The following FRMD4A variants were observed in gnomAD, a reference collection of about 807,000 sequenced individuals.
The protein encoded by FRMD4A is FERM domain containing 4A.
A neutral mutation model predicts 129.1 loss-of-function variants in FRMD4A; 29 were observed. The ratio of observed to expected loss-of-function variants is 0.22; its 90% CI spans 0.17 to 0.31. The LOEUF is 0.31. Among genes scored for constraint, FRMD4A ranks in the 10% least tolerant of loss-of-function variants. The pLI is 1.00. For missense variants in FRMD4A, 1,272 were observed against 1,375.8 expected, an observed-to-expected ratio of 0.92 and a Z score of 1.19; for synonymous variants, 634 against 571.6, an observed-to-expected ratio of 1.11 and a Z score of -1.56.
intron 2 of FRMD4A, among the ~76,000 whole-genome samples, chr10:14,180,715 C>G (rs1175021584): frequency 6.6e-6 from 1 of 152,238 alleles, no homozygotes; most frequent in Non-Finnish European, 1.5e-5. Flanking sequence ...GCAGAGCTGA[C>G]TAGAACTCCA....
chr10:13,740,527 C>T lies in FRMD4A; in HGVS notation c.599G>A (p.Gly200Asp). ...GGCCACTTACTTTACGATTGCTTGA[C>T]CTCTTGTCTGACCGTTCAGTTTCTT... ...HYKKLNGQTR[G>D]QAIVNYMSIV... is the part of the protein sequence containing the mutation. Residue 200 changes from glycine to aspartate, a missense_variant, in exon 10 of 25, where the codon GGT becomes GAT. Gly to Asp is a moderately conservative substitution (Grantham distance 94). Coordinates refer to ENST00000357447, the MANE Select transcript of FRMD4A (RefSeq NM_018027.5). The T allele has an allele frequency of 6.3e-7, 1 of 1,587,960 alleles. No individual in the cohort carries two copies. The highest frequency in any genetic ancestry group is 8.6e-7 in the Non-Finnish European group (1 of 1,158,222).
In FRMD4A at chr10:13,677,888, G is replaced by A. The variant is rs568285604; in HGVS notation, c.1118-2844C>T. ...TTAAAAAACAGACCTAGAGAAACTTGGGTCCAAGAAGATTAAAGGATTTCT... is the reference window on the plus strand; with the variant it reads ...TTAAAAAACAGACCTAGAGAAACTTAGGTCCAAGAAGATTAAAGGATTTCT... On this transcript the variant is annotated intron_variant, in intron 15 of 24. Coordinates refer to ENST00000357447, the MANE Select transcript of FRMD4A (RefSeq NM_018027.5). 5.9e-5 allele frequency among the ~76,000 whole-genome samples: 9 copies of A among 152,252 alleles called. No homozygotes were observed. In the South Asian group the frequency reaches 1.9e-3, roughly 32 times the overall value.
At chr10:13,847,806 A>T (rs1488474503) in intron 3 of FRMD4A, among the ~76,000 whole-genome samples, 1 of 152,248 alleles carries the variant, frequency 6.6e-6, no homozygotes, top group African/African-American at 2.4e-5. Flanking sequence ...AGGAACTCCT[A>T]ACCCAAATAA....
At chr10:13,766,581 G>A (rs907533300) in intron 6 of FRMD4A, among the ~76,000 whole-genome samples, 1 of 152,128 alleles carries the variant, frequency 6.6e-6, no homozygotes, top group Non-Finnish European at 1.5e-5. Context: ...AGACCAAAAC[G>A]GTGTGGATAA....
chr10:13,913,072 T>C (rs1395533403), intron 2 of FRMD4A, among the ~76,000 whole-genome samples: 3 of 126,636 alleles, frequency 2.4e-5, no homozygotes, highest in East Asian at 4.4e-4. Context: ...AAACTCCATT[T>C]AAAAAAAAAA....
intron 2 of FRMD4A, among the ~76,000 whole-genome samples, chr10:13,957,784 T>C (rs565114249): frequency 6.6e-6 from 1 of 152,324 alleles, no homozygotes; most frequent in African/African-American, 2.4e-5. Context: ...TTCTTTATTG[T>C]GTCCTTGTAT....
intron 2 of FRMD4A, among the ~76,000 whole-genome samples, chr10:14,312,717 T>G (rs1846595942): frequency 6.6e-6 from 1 of 152,022 alleles, no homozygotes; most frequent in South Asian, 2.1e-4. Context: ...ATACAAAAAA[T>G]TAGCCAGGTG....
At chr10:14,278,879 T>G (rs971952098) in intron 2 of FRMD4A, among the ~76,000 whole-genome samples, 4 of 152,220 alleles carry the variant, frequency 2.6e-5, no homozygotes, top group African/African-American at 9.7e-5. Context: ...TTTAATTTTG[T>G]GTACTCAGGA....
At chr10:13,833,273 G>C (rs993300737) in intron 3 of FRMD4A, among the ~76,000 whole-genome samples, 1 of 152,180 alleles carries the variant, frequency 6.6e-6, no homozygotes, top group Non-Finnish European at 1.5e-5. Flanking sequence ...AGCAAGAGAA[G>C]TCTTACATGG....
At chr10:14,140,803 T>G (rs1003282189) in intron 2 of FRMD4A, among the ~76,000 whole-genome samples, 23 of 152,260 alleles carry the variant, frequency 1.5e-4, no homozygotes, top group African/African-American at 4.3e-4. Flanking sequence ...CCACTCAACA[T>G]TTTCAAATCC....
At chr10:14,231,500 G>A (rs12770635) in intron 2 of FRMD4A, among the ~76,000 whole-genome samples, 2,835 of 152,122 alleles carry the variant, frequency 0.019, 62 homozygotes, top group African/African-American at 0.047. Flanking sequence ...TCACCACCAC[G>A]CCCGGCTAAT....
At chr10:13,750,113 A>AAAGAAAGAAATG (rs1554880654) in intron 8 of FRMD4A, among the ~76,000 whole-genome samples, 4,295 of 106,290 alleles carry the variant, frequency 0.04, 151 homozygotes, top group Non-Finnish European at 0.059. Flanking sequence ...AGAAATGAAG[A>AAAGAAAGAAATG]AAGAAAGAAA....
intron 11 of FRMD4A, among the ~76,000 whole-genome samples, chr10:13,738,965 G>C (rs969093958): frequency 3.3e-5 from 5 of 152,142 alleles, no homozygotes; most frequent in Non-Finnish European, 7.4e-5. Flanking sequence ...AGCGTAAGTT[G>C]CAATTCTATA....
rs549924450 is a variant in FRMD4A at position 14,232,405 on chromosome 10, C to T, written c.45+97653G>A. ...TGCCTTTTGCTTATAATTGCTTTTG[C>T]TATTTGGGCTCCTTTTTGGTTCCAT... On this transcript the variant is annotated intron_variant, in intron 2 of 24. Coordinates refer to ENST00000357447, the MANE Select transcript of FRMD4A (RefSeq NM_018027.5). Among the ~76,000 whole-genome samples, 8 of 152,276 alleles carry T rather than the reference C, an allele frequency of 5.3e-5. No homozygotes were observed. The South Asian group carries it at 1.7e-3, about 32-fold the overall frequency.
At chr10:14,245,674 T>C (rs1039112135) in intron 2 of FRMD4A, among the ~76,000 whole-genome samples, 5 of 151,992 alleles carry the variant, frequency 3.3e-5, no homozygotes, top group African/African-American at 9.7e-5. Flanking sequence ...ACGAGGAAAT[T>C]TGGACAGACA....
intron 2 of FRMD4A, among the ~76,000 whole-genome samples, chr10:14,156,332 A>G (rs1193133018): frequency 6.6e-6 from 1 of 152,184 alleles, no homozygotes; most frequent in African/African-American, 2.4e-5. Flanking sequence ...ACCCATTTTG[A>G]ATGAGTTATA....
chr10:13,916,307 A>G (rs1487727987), intron 2 of FRMD4A, among the ~76,000 whole-genome samples: 1 of 152,076 alleles, frequency 6.6e-6, no homozygotes, highest in African/African-American at 2.4e-5. Context: ...CCTTGGGTCT[A>G]TGGCTGGTCC....
chr10:13,977,510 T>A (rs539756284), intron 2 of FRMD4A, among the ~76,000 whole-genome samples: 1 of 152,328 alleles, frequency 6.6e-6, no homozygotes, highest in East Asian at 1.9e-4. Flanking sequence ...GAGATATAAT[T>A]GATATACCGT....
intron 2 of FRMD4A, among the ~76,000 whole-genome samples, chr10:14,105,606 C>T (rs1334205600): frequency 6.6e-6 from 1 of 152,050 alleles, no homozygotes; most frequent in Non-Finnish European, 1.5e-5. Flanking sequence ...ACAATAATTT[C>T]TTAATATTCT....
Sources: allele counts gnomAD v4.1 joint callset (sites outside exome capture counted in the v4.1 genomes callset), GRCh38; gene constraint gnomAD v4.1.1; transcripts MANE v1.5; gene names NCBI Gene and HGNC (gene_info 2026-07-23, HGNC 2026-07-21).